The following BICRAL variants were observed in gnomAD, a reference collection of about 807,000 sequenced individuals.
The protein encoded by BICRAL is BICRA like chromatin remodeling complex associated protein, also known as BRD4-interacting chromatin-remodeling complex-associated protein-like.
In BICRAL, 8 loss-of-function variants were observed where a neutral mutation model predicts 91.8. The observed-to-expected ratio is 0.09, with a 90% CI of 0.05 to 0.16. The LOEUF (loss-of-function observed/expected upper bound fraction) is 0.16. BICRAL is among the 10% of genes least tolerant of loss of function. BICRAL has a pLI of 1.00. For synonymous variants in BICRAL, 445 were observed against 491.1 expected (o/e 0.91, Z 1.24); for missense variants, 1,038 against 1,310.9 (o/e 0.79, Z 3.21).
intron 1 of BICRAL, among the ~76,000 whole-genome samples, chr6:42,766,581 G>A (rs543267232): frequency 9.5e-4 from 145 of 152,146 alleles, no homozygotes; most frequent in Admixed American, 1.8e-3. Context: ...AGTGGGTCAC[G>A]CCTGTAATAG....
intron 6 of BICRAL, among the ~76,000 whole-genome samples, chr6:42,848,043 G>A (rs1165806266): frequency 2.0e-5 from 3 of 151,970 alleles, no homozygotes; most frequent in Middle Eastern, 3.2e-3. Flanking sequence ...GCAGGAGAAC[G>A]GCGTGAACCC....
intron 8 of BICRAL, among the ~76,000 whole-genome samples, 178 bp downstream of exon 8, chr6:42,853,916 A>G (rs558640463): frequency 6.6e-6 from 1 of 152,170 alleles, no homozygotes; most frequent in East Asian, 1.9e-4. Flanking sequence ...TGTTATGTTT[A>G]TGTTTCTGAG....
At chr6:42,862,855 A>C (rs941824812) in intron 12 of BICRAL, among the ~76,000 whole-genome samples, 2 of 151,988 alleles carry the variant, frequency 1.3e-5, no homozygotes, top group African/African-American at 2.4e-5. Context: ...ATTCCCTAGA[A>C]CTCACATTTT....
At chr6:42,841,281 CG>C (rs1408160447) in intron 6 of BICRAL, among the ~76,000 whole-genome samples, 2 of 148,650 alleles carry the variant, frequency 1.3e-5, no homozygotes, top group African/African-American at 2.5e-5. Context: ...CTCCACCTCC[CG>C]GGTTCAAGCG....
chr6:42,764,764 A>G (rs1262995326), intron 1 of BICRAL, among the ~76,000 whole-genome samples: 1 of 151,930 alleles, frequency 6.6e-6, no homozygotes, highest in Non-Finnish European at 1.5e-5. Context: ...GGTTCATGCC[A>G]TTCTCCTGCC....
intron 1 of BICRAL, among the ~76,000 whole-genome samples, chr6:42,791,077 G>T (rs918412262): frequency 4.6e-5 from 7 of 152,060 alleles, no homozygotes; most frequent in Non-Finnish European, 8.8e-5. Context: ...GGAGAGCTCA[G>T]GGGCTGTCAG....
intron 1 of BICRAL, among the ~76,000 whole-genome samples, chr6:42,797,044 C>CA (rs1192829085): frequency 0.049 from 2,132 of 43,142 alleles, 96 homozygotes; most frequent in East Asian, 0.24. Flanking sequence ...AACTCTGTCT[C>CA]AAAAAAAAAA....
At chr6:42,796,132 G>A (rs934616025) in intron 1 of BICRAL, among the ~76,000 whole-genome samples, 1 of 152,300 alleles carries the variant, frequency 6.6e-6, no homozygotes. Context: ...GCTGCAGTGA[G>A]CAAAAGACCA....
rs1420110375 is a variant in BICRAL, at chr6:42,839,438, C to G, written c.1839+9266C>G. 2.0e-5 allele frequency among the ~76,000 whole-genome samples: 3 copies of G among 152,048 alleles called. No individual in the cohort carries two copies. The East Asian group carries it at 5.8e-4, about 29-fold the overall frequency. ...GGATTACAGATGTGACCTACCAGGC[C>G]CGGCCCAGGATTTTTTATGTTTGTT... On this transcript the variant is annotated intron_variant, in intron 6 of 12. Coordinates refer to ENST00000314073, the MANE Select transcript of BICRAL (RefSeq NM_001393499.1).
chr6:42,780,684 C>T (rs894895432), upstream of BICRAL, among the ~76,000 whole-genome samples: 1 of 152,070 alleles, frequency 6.6e-6, no homozygotes, highest in African/African-American at 2.4e-5. Context: ...TTGTAGTTAA[C>T]CTAGACTACA....
intron 1 of BICRAL, among the ~76,000 whole-genome samples, chr6:42,785,090 A>T (rs1385500912): frequency 3.3e-5 from 5 of 152,074 alleles, no homozygotes; most frequent in African/African-American, 1.2e-4. Context: ...TGTAGCTGCC[A>T]TTTATCAAAT....
chr6:42,815,145 G>A (rs1323450841), intron 2 of BICRAL, among the ~76,000 whole-genome samples: 2 of 149,072 alleles, frequency 1.3e-5, no homozygotes, highest in African/African-American at 5.0e-5. Context: ...ACTCCTAAGG[G>A]TGAAGTTTGG....
At chr6:42,807,077 C>T (rs866878051) in intron 1 of BICRAL, among the ~76,000 whole-genome samples, 15 of 152,154 alleles carry the variant, frequency 9.9e-5, no homozygotes, top group Non-Finnish European at 1.3e-4. Context: ...GTGATCCACC[C>T]GCCTCGGCCT....
chr6:42,828,017 TATA>T (rs1764352996), intron 5 of BICRAL, among the ~76,000 whole-genome samples: 1 of 152,226 alleles, frequency 6.6e-6, no homozygotes, highest in African/African-American at 2.4e-5. Context: ...TGCATATACT[TATA>T]ATGTCAAGCA....
intron 10 of BICRAL, among the ~76,000 whole-genome samples, chr6:42,857,614 A>AAAAAAATAT: frequency 2.7e-3 from 256 of 96,176 alleles, no homozygotes; most frequent in African/African-American, 7.3e-3. Context: ...AAAAAAAAAA[A>AAAAAAATAT]ATATATATAT....
upstream of BICRAL, among the ~76,000 whole-genome samples, chr6:42,779,223 AACACACACACACAC>A (rs57493144): frequency 0.01 from 1,338 of 132,516 alleles, 11 homozygotes; most frequent in Middle Eastern, 0.039. Context: ...TCTCAAGAAA[AACACACACACACAC>A]ACACACACAC....
chr6:42,762,484 A>T (rs957640056), intron 1 of BICRAL, among the ~76,000 whole-genome samples: 2 of 152,216 alleles, frequency 1.3e-5, no homozygotes, highest in African/African-American at 4.8e-5. Flanking sequence ...CTCACTTTAC[A>T]GATAAGGGCA....
intron 2 of BICRAL, chr6:42,821,085 C>G (rs1467980117): frequency 6.6e-6 from 1 of 152,268 alleles, no homozygotes; most frequent in African/African-American, 2.4e-5. Context: ...ATTCCTACGT[C>G]CAACTGCCGT....
chr6:42,860,363 G>A lies in BICRAL; in HGVS notation c.2349+7G>A. 1 of 1,528,804 alleles carries A rather than the reference G, an allele frequency of 6.5e-7. No homozygotes were observed. Among genetic ancestry groups the A allele is most frequent in the Non-Finnish European group, 9.1e-7 (1 of 1,103,714 alleles). The allele number at this position is 1,528,804 out of a possible 1,614,324, so 94.7% of individuals were successfully genotyped here. ...GCTCCTAGAAGATGCCATGGTAAAA[G>A]TCATGCTACTGATATTTGTTCTTTA... On this transcript the variant is annotated splice_region_variant and intron_variant, in intron 11 of 12. Coordinates refer to ENST00000314073, the MANE Select transcript of BICRAL (RefSeq NM_001393499.1).
Sources: gnomAD v4.1 joint callset for allele counts (sites outside exome capture counted in the v4.1 genomes callset) on GRCh38, gnomAD v4.1.1 for gene constraint, MANE v1.5 for transcripts, NCBI Gene and HGNC (gene_info 2026-07-23, HGNC 2026-07-21) for gene names.